The following PLXNA2 variants were observed in gnomAD, a reference collection of about 807,000 sequenced individuals.
PLXNA2 encodes the protein plexin A2.
In PLXNA2, 91 loss-of-function variants were observed where a neutral mutation model predicts 193.5. The ratio of observed to expected loss-of-function variants is 0.47; its 90% CI spans 0.40 to 0.56. The LOEUF (loss-of-function observed/expected upper bound fraction) is 0.56. Ranked by LOEUF, PLXNA2 falls within the 20% of genes least tolerant of loss-of-function variation. The pLI, the probability that PLXNA2 is intolerant of heterozygous loss-of-function variation, is 0.00. For missense variants in PLXNA2, 1,995 were observed against 2,503.2 expected, an observed-to-expected ratio of 0.80 and a Z score of 4.33; for synonymous variants, 997 against 1,027.3, an observed-to-expected ratio of 0.97 and a Z score of 0.56.
intron 2 of PLXNA2, 28 bp downstream of exon 2, chr1:208,216,707 G>A (rs1426908548): frequency 6.3e-7 from 1 of 1,591,230 alleles, no homozygotes; most frequent in Admixed American, 1.7e-5. Flanking sequence ...CATGGAGCAG[G>A]AGCAGAGCGA....
In PLXNA2 at chr1:208,029,017, C is replaced by A. The variant is rs142549025; in HGVS notation, c.5251G>T (p.Val1751Leu). The A allele has an allele frequency of 1.2e-6, 2 of 1,613,948 alleles. No individual in the cohort carries two copies. The highest frequency in any genetic ancestry group is 3.3e-5 in the Admixed American group (2 of 60,000). ...AACACGAACTGGGGGTTCTTAATCA[C>A]GTTCACCCAGAAGCGCAGAGGGAGG... The part of the protein sequence containing the change: ...NCLPLRFWVN[V>L]IKNPQFVFDI... Residue 1751 changes from valine (V) to leucine (L), a missense_variant, in exon 30 of 32, where the codon GTG becomes TTG. Transcript: ENST00000367033.
intron 1 of PLXNA2, among the ~76,000 whole-genome samples, chr1:208,240,419 G>A (rs1335044): frequency 0.024 from 3,722 of 152,168 alleles, 147 homozygotes; most frequent in African/African-American, 0.084. Context: ...AGAAATGACC[G>A]AAAAAGAAGT....
At chr1:208,168,723 GGT>G (rs567359806) in intron 3 of PLXNA2, among the ~76,000 whole-genome samples, 37,110 of 101,774 alleles carry the variant, frequency 0.36, 9,789 homozygotes, top group Middle Eastern at 0.51. Flanking sequence ...GAGTATGCGG[GGT>G]TTTTTTTTTT....
chr1:208,181,422 C>G (rs921576192), intron 3 of PLXNA2, among the ~76,000 whole-genome samples: 1 of 152,232 alleles, frequency 6.6e-6, no homozygotes, highest in African/African-American at 2.4e-5. Flanking sequence ...ACAGCTTTTG[C>G]TTTCCCAGTG....
chr1:208,043,994 A>T (rs2102322228), intron 20 of PLXNA2, among the ~76,000 whole-genome samples: 1 of 152,346 alleles, frequency 6.6e-6, no homozygotes, highest in South Asian at 2.1e-4. Flanking sequence ...ACTCCCACAC[A>T]CGTCCACAGC....
At chr1:208,055,645 A>G (rs1295691205) in intron 13 of PLXNA2, among the ~76,000 whole-genome samples, 1 of 152,168 alleles carries the variant, frequency 6.6e-6, no homozygotes, top group Non-Finnish European at 1.5e-5. Context: ...AATCCCCAGC[A>G]TTATCCTGGC....
chr1:208,199,171 A>G (rs1418658758), intron 3 of PLXNA2, among the ~76,000 whole-genome samples: 1 of 152,200 alleles, frequency 6.6e-6, no homozygotes, highest in East Asian at 1.9e-4. Context: ...CCAGAAGTGA[A>G]GTAGGCCTCC....
chr1:208,052,615 C>T (rs906927679), intron 14 of PLXNA2, 152 bp from the exon 15 acceptor site: 7 of 708,410 alleles, frequency 9.9e-6, no homozygotes, highest in Admixed American at 5.7e-5. Context: ...CTCTGCTTAC[C>T]CCAGAGGTGA....
At chr1:208,043,268 G>GA in intron 20 of PLXNA2, 65 bp from the exon 21 acceptor site, 1 of 1,536,664 alleles carries the variant, frequency 6.5e-7, no homozygotes, top group South Asian at 1.1e-5. Flanking sequence ...GAAAGAGGGA[G>GA]AAGAAGTTTG....
intron 4 of PLXNA2, among the ~76,000 whole-genome samples, chr1:208,130,181 C>T (rs893830062): frequency 2.0e-5 from 3 of 152,174 alleles, no homozygotes; most frequent in Admixed American, 6.5e-5. Context: ...ACAAGGCATG[C>T]ACTCTATGAA....
In PLXNA2 at chr1:208,082,241, C is replaced by T. The variant is rs1200550487; in HGVS notation, c.2395+171G>A. Among the ~76,000 whole-genome samples, 1 of 152,168 alleles carries T rather than the reference C, an allele frequency of 6.6e-6. No individual in the cohort carries two copies. The highest frequency in any genetic ancestry group is 1.5e-5 in the Non-Finnish European group (1 of 68,026). ...GGTTGTAATAAAACAGGGCTCCCAACAGGACTCCTTTGATGACTCCAAATG... is the reference window on the plus strand; with the variant it reads ...GGTTGTAATAAAACAGGGCTCCCAATAGGACTCCTTTGATGACTCCAAATG... On this transcript the variant is annotated intron_variant, in intron 11 of 31. Coordinates refer to ENST00000367033, the MANE Select transcript of PLXNA2 (RefSeq NM_025179.4). The surrounding 1 kb of genome is among the most constrained non-coding windows in gnomAD (Gnocchi z 4.2).
At chr1:208,031,464 G>A (rs962939098) in intron 29 of PLXNA2, 126 bp downstream of exon 29, 121 of 1,361,496 alleles carry the variant, frequency 8.9e-5, no homozygotes, top group Admixed American at 2.9e-4. Context: ...TGTTCCAGGA[G>A]CTTTGGATCA....
chr1:208,235,158 A>G (rs2782934), intron 1 of PLXNA2, among the ~76,000 whole-genome samples: 46,886 of 152,060 alleles, frequency 0.31, 7,437 homozygotes, highest in East Asian at 0.42. Flanking sequence ...TCAAATTCCA[A>G]TCCCACTGGC....
chr1:208,084,499 G>T lies in PLXNA2; in HGVS notation c.2179C>A (p.Leu727Met). Reference protein sequence around the residue: ...VKPITLKARNLPQPQSGQRGY... With the variant: ...VKPITLKARNMPQPQSGQRGY... ...CGCTGGCCGGACTGCGGCTGGGGCA[G>T]ATTTCGCGCCTTAAGGGTGATTGGC... Residue 727 changes from leucine (L) to methionine (M), a missense_variant, in exon 10 of 32, where the codon CTG becomes ATG. Coordinates refer to ENST00000367033, the MANE Select transcript of PLXNA2 (RefSeq NM_025179.4). The T allele has an allele frequency of 6.2e-7, 1 of 1,614,274 alleles. No individual in the cohort carries two copies. Among genetic ancestry groups the T allele is most frequent in the Non-Finnish European group, 8.5e-7 (1 of 1,180,052 alleles).
At chr1:208,233,010 T>C (rs1671737446) in intron 1 of PLXNA2, among the ~76,000 whole-genome samples, 1 of 152,228 alleles carries the variant, frequency 6.6e-6, no homozygotes, top group African/African-American at 2.4e-5. Context: ...CAGGAATCTC[T>C]TCTTGAGACC....
chr1:208,066,903 A>C (rs958147270), intron 12 of PLXNA2, among the ~76,000 whole-genome samples: 4 of 152,234 alleles, frequency 2.6e-5, no homozygotes, highest in Non-Finnish European at 5.9e-5. Flanking sequence ...AAAAGTAAAA[A>C]AGTGAATTTC....
intron 8 of PLXNA2, 123 bp from the exon 9 acceptor site, chr1:208,093,023 G>A: frequency 1.6e-6 from 1 of 620,822 alleles, no homozygotes; most frequent in Non-Finnish European, 2.9e-6. Flanking sequence ...AGGGAAGACT[G>A]GTGGGCCATC....
chr1:208,210,636 C>A (rs1293062266), intron 2 of PLXNA2, among the ~76,000 whole-genome samples, 174 bp from the exon 3 acceptor site: 1 of 152,174 alleles, frequency 6.6e-6, no homozygotes, highest in African/African-American at 2.4e-5. Flanking sequence ...AGCTCACCCA[C>A]AAATTCCATG....
At chr1:208,140,432 T>G (rs1037369603) in intron 4 of PLXNA2, among the ~76,000 whole-genome samples, 1 of 152,200 alleles carries the variant, frequency 6.6e-6, no homozygotes, top group African/African-American at 2.4e-5. Flanking sequence ...TTTGCTGGGC[T>G]CAGAGAATCT....
Sources: allele counts gnomAD v4.1 joint callset (sites outside exome capture counted in the v4.1 genomes callset), GRCh38; gene constraint gnomAD v4.1.1; non-coding constraint Gnocchi (gnomAD v3.1); transcripts MANE v1.5; gene names NCBI Gene and HGNC (gene_info 2026-07-23, HGNC 2026-07-21).